ITGA7: variants seen among roughly 807,000 people sequenced by gnomAD.
The protein encoded by ITGA7 is integrin subunit alpha 7.
In ITGA7, 84 loss-of-function variants were observed where a neutral mutation model predicts 131.6. The ratio of observed to expected loss-of-function variants is 0.64; its 90% CI spans 0.54 to 0.77. ITGA7 has a LOEUF of 0.77. Ranked by LOEUF, ITGA7 falls within the 30% of genes least tolerant of loss-of-function variation. The probability of loss-of-function intolerance (pLI) is 0.00; values close to 1 mark genes in which losing one functional copy is unlikely to be tolerated. For synonymous variants in ITGA7, 548 were observed against 600.7 expected (o/e 0.91, Z 1.28); for missense variants, 1,399 against 1,482.9 (o/e 0.94, Z 0.93).
At chr12:55,712,107 G>A, upstream of ITGA7, 1 of 1,551,542 alleles carries the variant, frequency 6.4e-7, no homozygotes, top group Non-Finnish European at 8.7e-7. Context: ...AATTCTGGTT[G>A]TAGTCAAAGC....
At chr12:55,695,658 AG>A (rs1185929122) in intron 13 of ITGA7, 21 bp from the exon 14 acceptor site, 1 of 1,574,328 alleles carries the variant, frequency 6.4e-7, no homozygotes, top group Non-Finnish European at 8.7e-7. Flanking sequence ...ACATGAGATA[AG>A]GGGCATTCCT....
intron 1 of ITGA7, 63 bp downstream of exon 1, chr12:55,707,414 G>A: frequency 7.5e-7 from 1 of 1,337,332 alleles, no homozygotes; most frequent in South Asian, 1.2e-5. Flanking sequence ...GAGGCCCACA[G>A]AGTGGGGAGG....
chr12:55,702,974 T>C (rs759855642), intron 2 of ITGA7, 23 bp from the exon 3 acceptor site: 2 of 1,613,362 alleles, frequency 1.2e-6, no homozygotes, highest in Admixed American at 1.7e-5. Flanking sequence ...CACTGGGAAT[T>C]AGGGGAGGGA....
chr12:55,716,042 G>A (rs1382063597), upstream of ITGA7: 4 of 1,547,502 alleles, frequency 2.6e-6, no homozygotes, highest in African/African-American at 5.5e-5. Context: ...TGACACAGCG[G>A]TCACGTGACA....
chr12:55,703,221 G>A (rs754682747), intron 1 of ITGA7, 43 bp from the exon 2 acceptor site: 4 of 1,598,394 alleles, frequency 2.5e-6, no homozygotes, highest in Non-Finnish European at 3.4e-6. Flanking sequence ...AGGAGTTAGA[G>A]GTCAGAATGA....
At position 55,707,484 on chromosome 12, in the gene ITGA7, G is replaced by A. The variant is rs759422115; in HGVS notation, c.199C>T (p.Gln67Ter). 1 of 1,613,208 alleles carries A rather than the reference G, an allele frequency of 6.2e-7. No homozygotes were observed. The highest frequency in any genetic ancestry group is 1.3e-5 in the African/African-American group (1 of 74,906). ...GCGGGTGCGGTGACTCACCAGCTCT[G>A]GGGTCGGGGCTGCAACTGCCGGTGC... ...ALHRQLQPRPQSWLLVGAPQA... is the reference protein window; with the variant it reads ...ALHRQLQPRP The change falls in exon 1 of 25, where the codon CAG (glutamine) becomes TAG (stop). Residue 67 changes from glutamine (Q) to a stop codon, truncating the protein, a stop_gained. Coordinates refer to ENST00000257879, the MANE Select transcript of ITGA7 (RefSeq NM_002206.3). LOFTEE classifies it high-confidence loss of function.
At position 55,699,068 on chromosome 12, in the gene ITGA7, C is replaced by G. The variant is rs999911321; in HGVS notation, c.791-151G>C. The G allele has an allele frequency of 8.7e-5, 62 of 716,016 alleles. 1 individual carries two copies. The highest frequency in any genetic ancestry group is 7.3e-4 in the East Asian group (27 of 37,040). The allele number at this position is 716,016 out of a possible 1,614,324, so 44.4% of individuals were successfully genotyped here. A position where few individuals can be genotyped will look rare whatever the true frequency, so the allele number is the denominator to read the frequency against. ...CTGCCCCCTCCCCTAGGTTAAGAGCCAAAAGATAGGTCCCCCCAAGTCATC... is the reference window on the plus strand; with the variant it reads ...CTGCCCCCTCCCCTAGGTTAAGAGCGAAAAGATAGGTCCCCCCAAGTCATC... On this transcript the variant is annotated intron_variant, in intron 5 of 24. Coordinates refer to ENST00000257879, the MANE Select transcript of ITGA7 (RefSeq NM_002206.3).
Position 55,694,631 on chromosome 12 carries a change from A to G in ITGA7, c.2261T>C (p.Met754Thr), listed in dbSNP as rs1196582441. ...TGTGCCAACCTGGGCACCTCTCTTC[A>G]TGGGGTTCCCCAGCTCACACTCAAC... ...SHVECELGNPMKRGAQVTFYL... is the reference protein window; with the variant it reads ...SHVECELGNPTKRGAQVTFYL... The change falls in exon 16 of 25, where the codon ATG becomes ACG. Residue 754 changes from methionine (M) to threonine (T), a missense_variant. Coordinates refer to ENST00000257879, the MANE Select transcript of ITGA7 (RefSeq NM_002206.3). This position sits in a 1 kb window ranked among gnomAD's most constrained non-coding sequence, Gnocchi z 5.3. 12 of 1,614,094 alleles carry G rather than the reference A, an allele frequency of 7.4e-6. No homozygotes were observed. The highest frequency in any genetic ancestry group is 1.0e-5 in the Non-Finnish European group (12 of 1,180,000).
chr12:55,695,318 G>A lies in ITGA7; in HGVS notation c.2003+204C>T, dbSNP rs572838700. 6.6e-6 allele frequency: 4 copies of A among 605,864 alleles called. No homozygotes were observed. The African/African-American group carries it at 7.4e-5, about 11-fold the overall frequency. 37.5% of individuals were successfully genotyped at this position (605,864 alleles called of 1,614,324 possible). On this transcript the variant is annotated intron_variant, in intron 14 of 24. Coordinates refer to ENST00000257879, the MANE Select transcript of ITGA7 (RefSeq NM_002206.3). ...TGCATATTATTAGTGTACTGTGAAGGATTGCTATTCCTTGCCATGGGAGCC... is the reference window on the plus strand; with the variant it reads ...TGCATATTATTAGTGTACTGTGAAGAATTGCTATTCCTTGCCATGGGAGCC...
chr12:55,716,195 G>T, upstream of ITGA7: 2 of 1,608,366 alleles, frequency 1.2e-6, no homozygotes, highest in African/African-American at 2.7e-5. Context: ...AGGAGCTGCA[G>T]GGTGAGCCAA....
intron 7 of ITGA7, 46 bp from the exon 8 acceptor site, chr12:55,698,072 C>A (rs1375316483): frequency 6.4e-7 from 1 of 1,564,682 alleles, no homozygotes; most frequent in South Asian, 1.1e-5. Flanking sequence ...GGGGGCCTTG[C>A]AGACAAGATC....
At chr12:55,710,865 G>A (rs547117055), upstream of ITGA7, among the ~76,000 whole-genome samples, 1 of 152,166 alleles carries the variant, frequency 6.6e-6, no homozygotes, top group Non-Finnish European at 1.5e-5. Flanking sequence ...AGGGGACAAG[G>A]ATGGAGGGGG....
At chr12:55,693,072 G>A (rs930960744) in intron 20 of ITGA7, 69 bp downstream of exon 20, 2 of 1,609,272 alleles carry the variant, frequency 1.2e-6, no homozygotes, top group Non-Finnish European at 1.7e-6. Flanking sequence ...CCCCATCACT[G>A]CACTCACTAC....
At chr12:55,690,110 A>C (rs1388441938) in intron 21 of ITGA7, among the ~76,000 whole-genome samples, 11 of 152,190 alleles carry the variant, frequency 7.2e-5, no homozygotes, top group Non-Finnish European at 1.3e-4. Flanking sequence ...CAAAAGCCAA[A>C]ATTGACAAAT....
At position 55,694,106 on chromosome 12, in the gene ITGA7, T is replaced by C. The variant is rs765063758; in HGVS notation, c.2450A>G (p.Gln817Arg). 1.9e-6 allele frequency: 3 copies of C among 1,614,184 alleles called. No homozygotes were observed. In the South Asian group the frequency reaches 3.3e-5, roughly 18 times the overall value. The change falls in exon 19 of 25, where the codon CAA (glutamine) becomes CGA (arginine). Residue 817 changes from glutamine (Q) to arginine (R), a missense_variant. By Grantham distance (43) the Gln-to-Arg change is conservative. Coordinates refer to ENST00000257879, the MANE Select transcript of ITGA7 (RefSeq NM_002206.3). The surrounding 1 kb of genome is among the most constrained non-coding windows in gnomAD (Gnocchi z 5.3). ...LSIAGMAIPQ[Q>R]LFFSGVVRGE... ...CCTCACCACACCAGAGAAGAAGAGT[T>C]GCTGGGGAATGGCCATTCTGGCGTG...
Position 55,695,505 on chromosome 12 carries a change from CTCTCT to C in ITGA7, c.2003+12_2003+16del. On this transcript the variant is annotated intron_variant, in intron 14 of 24. Transcript: ENST00000257879. ...CTCTTGCCCTCCCACCCCCACCCTG[CTCTCT>C]GCCCCCCTCACATGGGCAGAGGTTG... 7.3e-7 allele frequency: 1 copy of C among 1,372,308 alleles called. No individual in the cohort carries two copies. The highest frequency in any genetic ancestry group is 1.0e-6 in the Non-Finnish European group (1 of 960,074). 85.0% of individuals were successfully genotyped at this position (1,372,308 alleles called of 1,614,324 possible). A position where few individuals can be genotyped will look rare whatever the true frequency, so the allele number is the denominator to read the frequency against.
At chr12:55,710,656 CAGG>C (rs1340563867), upstream of ITGA7, among the ~76,000 whole-genome samples, 1 of 151,882 alleles carries the variant, frequency 6.6e-6, no homozygotes, top group Non-Finnish European at 1.5e-5. Flanking sequence ...CCCAGCTACT[CAGG>C]AGGCTAGGCG....
intron 24 of ITGA7, among the ~76,000 whole-genome samples, chr12:55,685,991 T>C (rs1870030803): frequency 6.6e-6 from 1 of 152,194 alleles, no homozygotes; most frequent in South Asian, 2.1e-4. Flanking sequence ...TCACACCCCA[T>C]GAGCCCACCA....
chr12:55,702,400 C>A (rs1874248595), intron 3 of ITGA7, among the ~76,000 whole-genome samples: 1 of 152,128 alleles, frequency 6.6e-6, no homozygotes, highest in Admixed American at 6.6e-5. Context: ...GATCTCCTTA[C>A]CTCGTGATCC....
Sources: allele counts gnomAD v4.1 joint callset (sites outside exome capture counted in the v4.1 genomes callset), GRCh38; gene constraint gnomAD v4.1.1; non-coding constraint Gnocchi (gnomAD v3.1); transcripts MANE v1.5; gene names NCBI Gene and HGNC (gene_info 2026-07-23, HGNC 2026-07-21).